Variants in MAGI1 observed in about 807,000 individuals in gnomAD.
The protein encoded by MAGI1 is membrane-associated guanylate kinase, WW and PDZ domain-containing protein 1.
In MAGI1, 58 loss-of-function variants were observed where a neutral mutation model predicts 139.9. The observed-to-expected ratio is 0.41, with a 90% CI of 0.34 to 0.52. The LOEUF is 0.52. Among genes scored for constraint, MAGI1 ranks in the 20% least tolerant of loss-of-function variants. The pLI is 0.12. For missense variants in MAGI1, 1,874 were observed against 1,901.6 expected, an observed-to-expected ratio of 0.99 and a Z score of 0.27; for synonymous variants, 812 against 737.9, an observed-to-expected ratio of 1.10 and a Z score of -1.63.
At chr3:65,789,893 A>C (rs1427110765) in intron 1 of MAGI1, among the ~76,000 whole-genome samples, 1 of 152,220 alleles carries the variant, frequency 6.6e-6, no homozygotes, top group Non-Finnish European at 1.5e-5. Context: ...TCTGTTTTCC[A>C]CAAAAAGGAA....
chr3:65,525,437 C>G (rs1011594869), intron 2 of MAGI1, among the ~76,000 whole-genome samples: 8 of 152,178 alleles, frequency 5.3e-5, no homozygotes, highest in African/African-American at 1.9e-4. Flanking sequence ...CTTTTAAAAT[C>G]TGTAGAACTA....
At chr3:65,808,721 C>A (rs1181326955) in intron 1 of MAGI1, among the ~76,000 whole-genome samples, 1 of 152,140 alleles carries the variant, frequency 6.6e-6, no homozygotes, top group African/African-American at 2.4e-5. Flanking sequence ...CATTCTCCAC[C>A]CACCTCACAA....
chr3:65,942,029 C>T (rs1200412880), intron 1 of MAGI1, among the ~76,000 whole-genome samples: 1 of 152,114 alleles, frequency 6.6e-6, no homozygotes, highest in Non-Finnish European at 1.5e-5. Context: ...TCAAGTGATC[C>T]GCCTGCCTTG....
At chr3:65,365,317 T>G in intron 18 of MAGI1, 1 of 408,098 alleles carries the variant, frequency 2.5e-6, no homozygotes, top group South Asian at 2.0e-5. Flanking sequence ...TCCAGAACTT[T>G]AAAGTCTGAT....
chr3:65,541,759 T>C (rs2079236828), intron 2 of MAGI1, among the ~76,000 whole-genome samples: 1 of 152,330 alleles, frequency 6.6e-6, no homozygotes, highest in South Asian at 2.1e-4. Flanking sequence ...TAGGTACTGA[T>C]GGAATGTATC....
At chr3:65,561,986 T>C (rs1329666742) in intron 2 of MAGI1, among the ~76,000 whole-genome samples, 1 of 152,230 alleles carries the variant, frequency 6.6e-6, no homozygotes, top group Non-Finnish European at 1.5e-5. Flanking sequence ...ATTCACTACA[T>C]GTATTTATTC....
chr3:65,418,825 G>C (rs973151678), intron 12 of MAGI1, among the ~76,000 whole-genome samples: 1 of 151,174 alleles, frequency 6.6e-6, no homozygotes, highest in Non-Finnish European at 1.5e-5. Flanking sequence ...TCTCCAGCCC[G>C]ACTGCATTAG....
intron 1 of MAGI1, among the ~76,000 whole-genome samples, chr3:65,683,219 T>C (rs2087719164): frequency 6.6e-6 from 1 of 151,952 alleles, no homozygotes; most frequent in Non-Finnish European, 1.5e-5. Flanking sequence ...TACATGTCAT[T>C]ATAAATTTAT....
chr3:65,835,411 T>C (rs566737805), intron 1 of MAGI1, among the ~76,000 whole-genome samples: 1 of 152,324 alleles, frequency 6.6e-6, no homozygotes, highest in Non-Finnish European at 1.5e-5. Flanking sequence ...GGCCACTTAA[T>C]AGCAATGACA....
chr3:65,432,945 C>A (rs746392779), intron 10 of MAGI1, among the ~76,000 whole-genome samples: 2 of 152,174 alleles, frequency 1.3e-5, no homozygotes, highest in Non-Finnish European at 2.9e-5. Context: ...TTCCCAATCC[C>A]TTTTTCCTGC....
At chr3:65,874,151 T>A (rs551776831) in intron 1 of MAGI1, 1 of 152,380 alleles carries the variant, frequency 6.6e-6, no homozygotes, top group East Asian at 1.9e-4. Context: ...CCAGGTGTGG[T>A]GGCATGTACC....
In MAGI1 at chr3:65,506,980, T is replaced by C. The variant is rs544686818; in HGVS notation, c.431-13349A>G. 3.3e-5 allele frequency among the ~76,000 whole-genome samples: 5 copies of C among 152,328 alleles called. No homozygotes were observed. The East Asian group carries it at 9.6e-4, about 29-fold the overall frequency. ...CCTTCTCAAGTATACAGCGAAATAGTCACGAACATGTAAATTTTATTTTCA... is the reference window on the plus strand; with the variant it reads ...CCTTCTCAAGTATACAGCGAAATAGCCACGAACATGTAAATTTTATTTTCA... On this transcript the variant is annotated intron_variant, in intron 2 of 22. Coordinates refer to ENST00000402939, the MANE Select transcript of MAGI1 (RefSeq NM_001033057.2).
chr3:65,947,772 A>C (rs1368655658), intron 1 of MAGI1, among the ~76,000 whole-genome samples: 1 of 151,896 alleles, frequency 6.6e-6, no homozygotes, highest in African/African-American at 2.4e-5. Flanking sequence ...ATGCACCATC[A>C]TGCCCAGCTA....
intron 1 of MAGI1, among the ~76,000 whole-genome samples, chr3:65,932,021 A>C (rs1251886933): frequency 3.3e-5 from 5 of 152,226 alleles, no homozygotes; most frequent in Admixed American, 6.5e-5. Flanking sequence ...AGATAAATCA[A>C]CAGATTGAAA....
At chr3:65,617,407 A>G (rs2083435263) in intron 2 of MAGI1, among the ~76,000 whole-genome samples, 2 of 152,218 alleles carry the variant, frequency 1.3e-5, no homozygotes, top group African/African-American at 4.8e-5. Context: ...GTAAATGACA[A>G]GCCCTGTCAG....
intron 1 of MAGI1, among the ~76,000 whole-genome samples, chr3:65,793,848 A>G (rs970429731): frequency 2.6e-5 from 4 of 152,238 alleles, no homozygotes; most frequent in Non-Finnish European, 4.4e-5. Flanking sequence ...AACATCATAT[A>G]GACAAAAACA....
At chr3:65,923,160 T>C (rs1004233403) in intron 1 of MAGI1, among the ~76,000 whole-genome samples, 1 of 151,888 alleles carries the variant, frequency 6.6e-6, no homozygotes, top group East Asian at 1.9e-4. Context: ...ACTTGCTCTA[T>C]CCATTCCGTA....
chr3:65,543,403 A>G (rs1181834025), intron 2 of MAGI1, among the ~76,000 whole-genome samples: 1 of 152,212 alleles, frequency 6.6e-6, no homozygotes, highest in African/African-American at 2.4e-5. Flanking sequence ...ATTACTGGGT[A>G]TATACCCAAA....
chr3:65,926,386 C>T (rs527731363), intron 1 of MAGI1, among the ~76,000 whole-genome samples: 1 of 137,442 alleles, frequency 7.3e-6, no homozygotes, highest in South Asian at 2.4e-4. Flanking sequence ...TCCCTCCCTA[C>T]ACCTCCCTCT....
Sources: allele counts gnomAD v4.1 joint callset (sites outside exome capture counted in the v4.1 genomes callset), GRCh38; gene constraint gnomAD v4.1.1; transcripts MANE v1.5; gene names NCBI Gene and HGNC (gene_info 2026-07-23, HGNC 2026-07-21).